Variants in IPCEF1 observed in about 807,000 individuals in gnomAD.
The protein encoded by IPCEF1 is interactor protein for cytohesin exchange factors 1.
IPCEF1 carries 31 observed loss-of-function variants against 50.9 expected under a neutral mutation model. The observed-to-expected ratio is 0.61, with a 90% CI of 0.46 to 0.82. The LOEUF (loss-of-function observed/expected upper bound fraction) is 0.82. Among genes scored for constraint, IPCEF1 ranks in the 40% least tolerant of loss-of-function variants. IPCEF1 has a pLI of 0.00. For synonymous variants in IPCEF1, 181 were observed against 192.0 expected (o/e 0.94, Z 0.47); for missense variants, 458 against 514.0 (o/e 0.89, Z 1.05).
At chr6:154,281,301 C>A (rs143437711) in intron 2 of IPCEF1, among the ~76,000 whole-genome samples, 2 of 149,350 alleles carry the variant, frequency 1.3e-5, no homozygotes, top group African/African-American at 4.9e-5. Context: ...TGCAGTGAGG[C>A]GAGATAGCGC....
intron 3 of IPCEF1, among the ~76,000 whole-genome samples, chr6:154,257,691 TTTTGTTTG>T (rs139964826): frequency 6.6e-6 from 1 of 151,750 alleles, no homozygotes; most frequent in Non-Finnish European, 1.5e-5. Flanking sequence ...TGGTTTTGGG[TTTTGTTTG>T]TTTGTTTGTT....
At chr6:154,224,234 G>A (rs922843183) in intron 5 of IPCEF1, among the ~76,000 whole-genome samples, 1 of 152,200 alleles carries the variant, frequency 6.6e-6, no homozygotes, top group Admixed American at 6.5e-5. Context: ...TTAGTGCCAT[G>A]GGTGCTTTCA....
chr6:154,223,371 C>G, intron 5 of IPCEF1, 128 bp from the exon 6 acceptor site: 4 of 726,338 alleles, frequency 5.5e-6, no homozygotes, highest in Non-Finnish European at 9.6e-6. Flanking sequence ...ACCAACCACC[C>G]TGAATCACCA....
At chr6:154,331,407 G>GAAAGAAAAAGAA (rs1554225595) in intron 1 of IPCEF1, among the ~76,000 whole-genome samples, 1 of 131,008 alleles carries the variant, frequency 7.6e-6, no homozygotes, top group Admixed American at 8.0e-5. Context: ...AAGAAAGAAA[G>GAAAGAAAAAGAA]AGAGAGAAAA....
At chr6:154,316,491 C>T (rs964483610) in intron 1 of IPCEF1, among the ~76,000 whole-genome samples, 1 of 152,116 alleles carries the variant, frequency 6.6e-6, no homozygotes, top group African/African-American at 2.4e-5. Context: ...ACCTGGAGAA[C>T]ATTATGTTAC....
At chr6:154,307,355 G>C (rs537796757) in intron 1 of IPCEF1, among the ~76,000 whole-genome samples, 7 of 152,292 alleles carry the variant, frequency 4.6e-5, no homozygotes, top group Admixed American at 3.9e-4. Flanking sequence ...ATCCATGTAA[G>C]ACGTGACTTG....
chr6:154,287,160 C>CCT lies in IPCEF1; in HGVS notation c.-18+2551_-18+2552dup, dbSNP rs10563787. ...GTGTGTAGCACTTTGCCCTTCTCTC[C>CCT]CTCTCTCTCTCTCTCTCTCTCTCTC... On this transcript the variant is annotated intron_variant, in intron 2 of 11. Coordinates refer to ENST00000367220, the MANE Select transcript of IPCEF1 (RefSeq NM_001130700.2). Among the ~76,000 whole-genome samples the CCT allele has an allele frequency of 9.4e-3, 1,403 of 148,498 alleles. 14 individuals carry two copies. Among genetic ancestry groups the CCT allele is most frequent in the African/African-American group, 0.025 (1,013 of 40,112 alleles).
At chr6:154,201,944 CAGAG>C (rs1777105076) in intron 9 of IPCEF1, among the ~76,000 whole-genome samples, 1 of 152,078 alleles carries the variant, frequency 6.6e-6, no homozygotes, top group African/African-American at 2.4e-5. Flanking sequence ...GGAAGGTTGA[CAGAG>C]AGAGGAAGCC....
chr6:154,273,964 A>T (rs1265714701), intron 2 of IPCEF1, among the ~76,000 whole-genome samples: 3 of 150,368 alleles, frequency 2.0e-5, no homozygotes, highest in Admixed American at 6.6e-5. Flanking sequence ...CTTGTTAGCC[A>T]GGATGGTCTC....
At chr6:154,247,772 T>A in intron 3 of IPCEF1, 1 of 342,906 alleles carries the variant, frequency 2.9e-6, no homozygotes, top group Non-Finnish European at 5.3e-6. Flanking sequence ...ACTTTAGTTA[T>A]GATAGCACAG....
chr6:154,177,219 T>G (rs1227179759), intron 10 of IPCEF1, among the ~76,000 whole-genome samples: 1 of 152,184 alleles, frequency 6.6e-6, no homozygotes, highest in Non-Finnish European at 1.5e-5. Flanking sequence ...GTTCAGGACA[T>G]AGGCATGGGC....
chr6:154,330,681 C>T (rs577432093), intron 1 of IPCEF1, among the ~76,000 whole-genome samples: 1 of 152,116 alleles, frequency 6.6e-6, no homozygotes, highest in Non-Finnish European at 1.5e-5. Flanking sequence ...AATTTAAAAC[C>T]AATCCAAGCA....
rs1026677996 is a variant in IPCEF1, at chr6:154,156,761, C to A, written c.*3067G>T. ...TAAGAATTCTTTAAAGCAAAAGACG[C>A]CCTTGCAATGCAGGGCTCAGAGTGT... On this transcript the variant is annotated 3_prime_UTR_variant, in exon 12 of 12. Coordinates refer to ENST00000367220, the MANE Select transcript of IPCEF1 (RefSeq NM_001130700.2). 6.6e-6 allele frequency: 1 copy of A among 152,210 alleles called. No homozygotes were observed. The highest frequency in any genetic ancestry group is 2.4e-5 in the African/African-American group (1 of 41,444). 9.4% of individuals were successfully genotyped at this position (152,210 alleles called of 1,614,324 possible).
intron 1 of IPCEF1, among the ~76,000 whole-genome samples, chr6:154,295,967 T>A (rs1380617156): frequency 6.6e-6 from 1 of 152,032 alleles, no homozygotes; most frequent in Non-Finnish European, 1.5e-5. Flanking sequence ...CCATCTAATG[T>A]AGCAGGTCAT....
At chr6:154,221,375 T>A (rs1012854178) in intron 6 of IPCEF1, 47 bp from the exon 7 acceptor site, 1 of 1,427,200 alleles carries the variant, frequency 7.0e-7, no homozygotes, top group Non-Finnish European at 9.9e-7. Context: ...GTGTTTATAG[T>A]CAACAATGGG....
intron 1 of IPCEF1, among the ~76,000 whole-genome samples, chr6:154,305,927 C>T (rs907542385): frequency 9.9e-5 from 15 of 152,202 alleles, no homozygotes; most frequent in Non-Finnish European, 1.8e-4. Flanking sequence ...GTCTAAGGGC[C>T]GCATTGTCGG....
intron 3 of IPCEF1, among the ~76,000 whole-genome samples, chr6:154,256,195 C>G (rs1267528405): frequency 6.6e-6 from 1 of 152,122 alleles, no homozygotes; most frequent in Non-Finnish European, 1.5e-5. Context: ...TGAGGGCCCT[C>G]TTACTGGTTT....
chr6:154,162,646 C>T (rs1163425282), intron 11 of IPCEF1, among the ~76,000 whole-genome samples: 4 of 152,200 alleles, frequency 2.6e-5, no homozygotes, highest in Non-Finnish European at 5.9e-5. Context: ...CCTTGTCACG[C>T]CACCTCTTCT....
At chr6:154,169,723 C>T (rs1392514830) in intron 10 of IPCEF1, among the ~76,000 whole-genome samples, 7 of 152,296 alleles carry the variant, frequency 4.6e-5, no homozygotes, top group African/African-American at 1.7e-4. Context: ...TGAAGCCACT[C>T]CACCACAGGA....
Sources: allele counts gnomAD v4.1 joint callset (sites outside exome capture counted in the v4.1 genomes callset), GRCh38; gene constraint gnomAD v4.1.1; transcripts MANE v1.5; gene names NCBI Gene and HGNC (gene_info 2026-07-23, HGNC 2026-07-21).